The following YBX3 variants were observed in gnomAD, a reference collection of about 807,000 sequenced individuals.
YBX3 encodes Y-box binding protein 3, also known as Y-box-binding protein 3.
A neutral mutation model predicts 42.4 loss-of-function variants in YBX3; 29 were observed. The ratio of observed to expected loss-of-function variants is 0.68; its 90% CI spans 0.51 to 0.93. The LOEUF (loss-of-function observed/expected upper bound fraction) is 0.93. Among genes scored for constraint, YBX3 ranks in the 40% least tolerant of loss-of-function variants. YBX3 has a pLI of 0.00. For missense variants in YBX3, 517 were observed against 527.5 expected (o/e 0.98, Z 0.19); for synonymous variants, 195 against 189.8 (o/e 1.03, Z -0.22).
intron 1 of YBX3, among the ~76,000 whole-genome samples, chr12:10,721,587 C>G (rs1028855168): frequency 6.6e-6 from 1 of 152,046 alleles, no homozygotes; most frequent in African/African-American, 2.4e-5. Flanking sequence ...TTAACCTACA[C>G]AGGTTACAAT....
chr12:10,704,347 C>T, intron 6 of YBX3, 199 bp from the exon 7 acceptor site: 1 of 481,508 alleles, frequency 2.1e-6, no homozygotes, highest in East Asian at 3.2e-5. Context: ...CCTAGTCTGA[C>T]TAGAATACTC....
chr12:10,707,275 C>T (rs1483726578), intron 6 of YBX3, among the ~76,000 whole-genome samples: 1 of 152,242 alleles, frequency 6.6e-6, no homozygotes, highest in African/African-American at 2.4e-5. Flanking sequence ...TACTTAACAC[C>T]TCCACTTGTA....
intron 6 of YBX3, among the ~76,000 whole-genome samples, chr12:10,707,366 ATTTG>A (rs1948150053): frequency 1.3e-5 from 2 of 152,176 alleles, no homozygotes; most frequent in Admixed American, 1.3e-4. Flanking sequence ...GTATTCCCGT[ATTTG>A]TTTAAATCAA....
chr12:10,704,828 A>T (rs1189800229), intron 6 of YBX3, among the ~76,000 whole-genome samples: 2 of 152,212 alleles, frequency 1.3e-5, no homozygotes, highest in East Asian at 3.9e-4. Flanking sequence ...ATTCTCATCA[A>T]CTAGACACAG....
intron 6 of YBX3, among the ~76,000 whole-genome samples, chr12:10,708,474 G>C (rs1225975734): frequency 1.3e-5 from 2 of 152,174 alleles, no homozygotes; most frequent in African/African-American, 4.8e-5. Flanking sequence ...AAGTAGCTTA[G>C]TTATATGGAT....
intron 3 of YBX3, chr12:10,715,994 T>C (rs1948257771): frequency 1.5e-5 from 8 of 531,462 alleles, no homozygotes; most frequent in Non-Finnish European, 2.7e-5. Flanking sequence ...GTGCTATTCA[T>C]CTTGACAGGT....
rs776273673 is a variant in YBX3, at chr12:10,710,120, G to A, written c.574-6C>T. 14 of 1,611,690 alleles carry A rather than the reference G, an allele frequency of 8.7e-6. No individual in the cohort carries two copies. Among genetic ancestry groups the A allele is most frequent in the African/African-American group, 5.3e-5 (4 of 74,854 alleles). ...TCCTCCTCCTCCCCAGCGTACTAGC[G>A]AAGCAAAGAAACAGAGATTCAGAAG... On this transcript the variant is annotated splice_region_variant and splice_polypyrimidine_tract_variant and intron_variant, in intron 5 of 9. Transcript: ENST00000228251.
At position 10,707,019 on chromosome 12, in the gene YBX3, AAAAT is replaced by A. The variant is rs139588933; in HGVS notation, c.781-2875_781-2872del. Among the ~76,000 whole-genome samples the A allele has an allele frequency of 3.4e-3, 502 of 149,608 alleles. 1 individual carries two copies. The highest frequency in any genetic ancestry group is 0.017 in the Middle Eastern group (5 of 294). On this transcript the variant is annotated intron_variant, in intron 6 of 9. Transcript: ENST00000228251. Reference sequence around the variant, plus strand: ...GTGACAGAGTGAGACTCCATCTCAAAAAATAAATAAATAAATAAATAAATAAATA... The same window carrying A: ...GTGACAGAGTGAGACTCCATCTCAAAAAATAAATAAATAAATAAATAAATA...
intron 7 of YBX3, chr12:10,703,268 T>G (rs1948101012): frequency 6.6e-6 from 1 of 152,368 alleles, no homozygotes; most frequent in Non-Finnish European, 1.5e-5. Context: ...ATAAACATCA[T>G]TCAGGAAGAA....
chr12:10,704,200 T>C (rs7963247), intron 6 of YBX3, 52 bp from the exon 7 acceptor site: 320,961 of 1,475,428 alleles, frequency 0.22, 37,049 homozygotes, highest in East Asian at 0.48. Context: ...GGGGATAAGA[T>C]ACAGTGCATA....
At chr12:10,716,053 T>A (rs1452922388) in intron 3 of YBX3, 1 of 412,788 alleles carries the variant, frequency 2.4e-6, no homozygotes, top group Non-Finnish European at 4.5e-6. Context: ...GTGCAGTGAC[T>A]ACACACTACT....
intron 5 of YBX3, chr12:10,712,996 G>T: frequency 1.8e-6 from 1 of 561,558 alleles, no homozygotes. Flanking sequence ...ACTTATTCAT[G>T]TAACTAATCA....
intron 3 of YBX3, among the ~76,000 whole-genome samples, chr12:10,717,180 T>C (rs1948272443): frequency 6.6e-6 from 1 of 152,062 alleles, no homozygotes. Flanking sequence ...GATACCACTA[T>C]CTCCAACTCC....
intron 9 of YBX3, among the ~76,000 whole-genome samples, chr12:10,700,361 T>C (rs1948064969): frequency 6.6e-6 from 1 of 152,124 alleles, no homozygotes; most frequent in African/African-American, 2.4e-5. Context: ...AAAAATAGCA[T>C]TGACACTGAG....
chr12:10,718,064 TGTA>T lies in YBX3; in HGVS notation c.360+21_360+23del, dbSNP rs749522266. 4 of 1,598,186 alleles carry T rather than the reference TGTA, an allele frequency of 2.5e-6. No homozygotes were observed. The East Asian group carries it at 9.0e-5, about 36-fold the overall frequency. ...ACACACCCTCTCCTCACATAGCAAA[TGTA>T]GTATTTATAATCCCTCTTACCTGAT... is the stretch of plus-strand genomic sequence containing the variant. On this transcript the variant is annotated intron_variant, in intron 3 of 9. Transcript: ENST00000228251.
At chr12:10,719,181 T>C in intron 1 of YBX3, 38 bp from the exon 2 acceptor site, 1 of 1,525,262 alleles carries the variant, frequency 6.6e-7, no homozygotes, top group South Asian at 1.1e-5. Context: ...GTATCTGACC[T>C]ACAGAGAGAT....
intron 7 of YBX3, 35 bp from the exon 8 acceptor site, chr12:10,702,169 C>G: frequency 6.3e-7 from 1 of 1,584,926 alleles, no homozygotes; most frequent in Non-Finnish European, 8.6e-7. Context: ...GAACAGGTGC[C>G]AACAGGACAG....
chr12:10,702,165 G>A (rs751887331), intron 7 of YBX3, 31 bp from the exon 8 acceptor site: 46 of 1,591,984 alleles, frequency 2.9e-5, no homozygotes, highest in Non-Finnish European at 3.6e-5. Flanking sequence ...AATAGAACAG[G>A]TGCCAACAGG....
chr12:10,704,329 A>G (rs1948114508), intron 6 of YBX3, 181 bp from the exon 7 acceptor site: 2 of 539,836 alleles, frequency 3.7e-6, no homozygotes, highest in East Asian at 2.9e-5. Context: ...ACTGAAAAGG[A>G]AGACAAACCT....
Sources: allele counts gnomAD v4.1 joint callset (sites outside exome capture counted in the v4.1 genomes callset), GRCh38; gene constraint gnomAD v4.1.1; transcripts MANE v1.5; gene names NCBI Gene and HGNC (gene_info 2026-07-23, HGNC 2026-07-21).